The following TBC1D5 variants were observed in gnomAD, a reference collection of about 807,000 sequenced individuals.
TBC1D5 encodes TBC1 domain family member 5, also known as TBC1 domain family, member 5.
Under a neutral mutation model 100.3 loss-of-function variants are expected in TBC1D5, and 75 were observed. The observed-to-expected ratio is 0.75, with a 90% confidence interval of 0.62 to 0.91. The LOEUF is 0.91. Ranked by LOEUF, TBC1D5 falls within the 40% of genes least tolerant of loss-of-function variation. The pLI, the probability that TBC1D5 is intolerant of heterozygous loss-of-function variation, is 0.00. For missense variants in TBC1D5, 910 were observed against 942.4 expected (o/e 0.97, Z 0.45); for synonymous variants, 323 against 325.6 (o/e 0.99, Z 0.09).
intron 2 of TBC1D5, among the ~76,000 whole-genome samples, chr3:17,550,174 C>G (rs1282499606): frequency 6.6e-6 from 1 of 152,020 alleles, no homozygotes; most frequent in Non-Finnish European, 1.5e-5. Context: ...GTTATCAAAT[C>G]AAACCTCTTA....
chr3:17,629,645 T>G (rs1577107450), intron 1 of TBC1D5, among the ~76,000 whole-genome samples: 1 of 152,106 alleles, frequency 6.6e-6, no homozygotes, highest in African/African-American at 2.4e-5. Flanking sequence ...GAGAAAGAAG[T>G]AAAACAGTGA....
chr3:17,217,740 T>C (rs2073823136), intron 17 of TBC1D5, among the ~76,000 whole-genome samples: 1 of 152,116 alleles, frequency 6.6e-6, no homozygotes, highest in Non-Finnish European at 1.5e-5. Context: ...GAGTTGTAAG[T>C]GCTCTTCATA....
At chr3:17,377,193 C>A (rs866824495) in intron 9 of TBC1D5, among the ~76,000 whole-genome samples, 1 of 151,932 alleles carries the variant, frequency 6.6e-6, no homozygotes, top group Middle Eastern at 3.4e-3. Flanking sequence ...AGAAAACTAC[C>A]GTAATTTTTT....
At chr3:17,441,255 G>A (rs1024186567) in intron 3 of TBC1D5, among the ~76,000 whole-genome samples, 3 of 152,166 alleles carry the variant, frequency 2.0e-5, no homozygotes, top group Non-Finnish European at 2.9e-5. Flanking sequence ...AAGTATTATA[G>A]TGAACTATAG....
chr3:17,223,897 CAAAAA>C (rs979179983), intron 17 of TBC1D5, among the ~76,000 whole-genome samples: 1 of 121,850 alleles, frequency 8.2e-6, no homozygotes, highest in Non-Finnish European at 1.8e-5. Context: ...GACTCTGTCT[CAAAAA>C]AACAAAACAA....
intron 17 of TBC1D5, among the ~76,000 whole-genome samples, chr3:17,215,798 TA>T (rs2073567287): frequency 6.6e-6 from 1 of 152,118 alleles, no homozygotes; most frequent in South Asian, 2.1e-4. Flanking sequence ...GAAAATCAAG[TA>T]GATAATAAGA....
chr3:17,402,934 T>C (rs1171860473), intron 8 of TBC1D5, among the ~76,000 whole-genome samples: 1 of 152,118 alleles, frequency 6.6e-6, no homozygotes, highest in East Asian at 1.9e-4. Context: ...ATAAAACTAA[T>C]TAAATATTAT....
chr3:17,249,149 A>G (rs1175045006), intron 16 of TBC1D5, among the ~76,000 whole-genome samples: 1 of 152,234 alleles, frequency 6.6e-6, no homozygotes, highest in South Asian at 2.1e-4. Flanking sequence ...AACTTTCTCC[A>G]TATCAGCAAT....
intron 14 of TBC1D5, among the ~76,000 whole-genome samples, chr3:17,296,728 C>A (rs571458587): frequency 2.6e-5 from 4 of 152,188 alleles, no homozygotes; most frequent in African/African-American, 4.8e-5. Context: ...TCTTTGAGCA[C>A]CATTCAATCA....
At chr3:17,561,558 G>A (rs777621782) in intron 2 of TBC1D5, among the ~76,000 whole-genome samples, 20 of 151,956 alleles carry the variant, frequency 1.3e-4, no homozygotes, top group South Asian at 1.2e-3. Context: ...AGTGGAAGGC[G>A]AAAAAACATA....
intron 3 of TBC1D5, among the ~76,000 whole-genome samples, chr3:17,448,344 G>A (rs887758851): frequency 3.3e-5 from 5 of 152,066 alleles, no homozygotes; most frequent in Non-Finnish European, 1.5e-5. Flanking sequence ...TAAAACCCCT[G>A]TTCAGGCTGA....
intron 2 of TBC1D5, among the ~76,000 whole-genome samples, chr3:17,582,344 T>C (rs1375072859): frequency 5.3e-5 from 8 of 152,264 alleles, no homozygotes; most frequent in Admixed American, 4.6e-4. Context: ...TATAAACATA[T>C]ACCTAGCTAA....
At chr3:17,576,677 A>G (rs2096658869) in intron 2 of TBC1D5, 1 of 152,014 alleles carries the variant, frequency 6.6e-6, no homozygotes, top group African/African-American at 2.4e-5. Context: ...ATTATGATTG[A>G]TTGACTGATT....
At chr3:17,692,980 A>G (rs1440791673) in intron 1 of TBC1D5, among the ~76,000 whole-genome samples, 1 of 152,190 alleles carries the variant, frequency 6.6e-6, no homozygotes, top group East Asian at 1.9e-4. Context: ...AAATACAAAC[A>G]TTACATGGGC....
intron 1 of TBC1D5, among the ~76,000 whole-genome samples, chr3:17,704,618 C>A (rs1352531001): frequency 1.3e-5 from 1 of 78,042 alleles, no homozygotes; most frequent in African/African-American, 4.3e-5. Context: ...CCCCACCAAC[C>A]TCCCGGACGG....
chr3:17,339,532 G>C (rs10446414), intron 13 of TBC1D5, among the ~76,000 whole-genome samples: 13,700 of 152,240 alleles, frequency 0.09, 1,412 homozygotes, highest in African/African-American at 0.25. Context: ...CAAACTAACT[G>C]AAGAAATTTT....
intron 17 of TBC1D5, among the ~76,000 whole-genome samples, chr3:17,215,366 T>C (rs2073509886): frequency 6.6e-6 from 1 of 151,890 alleles, no homozygotes; most frequent in African/African-American, 2.4e-5. Flanking sequence ...CCATTATGAG[T>C]ATGAGAGAAA....
At chr3:17,294,707 T>G (rs1013081405) in intron 14 of TBC1D5, among the ~76,000 whole-genome samples, 2 of 152,236 alleles carry the variant, frequency 1.3e-5, no homozygotes, top group Non-Finnish European at 2.9e-5. Flanking sequence ...ATCCAGAGAC[T>G]ATGCTAGGCA....
intron 13 of TBC1D5, among the ~76,000 whole-genome samples, chr3:17,323,449 T>C (rs1448834921): frequency 6.6e-6 from 1 of 152,178 alleles, no homozygotes; most frequent in Non-Finnish European, 1.5e-5. Context: ...GATGACATAA[T>C]TGTCTACAAA....
Sources: gnomAD v4.1 joint callset for allele counts (sites outside exome capture counted in the v4.1 genomes callset) on GRCh38, gnomAD v4.1.1 for gene constraint, MANE v1.5 for transcripts, NCBI Gene and HGNC (gene_info 2026-07-23, HGNC 2026-07-21) for gene names.